Variants in ARHGEF28 observed in about 807,000 individuals in gnomAD.
ARHGEF28 encodes Rho guanine nucleotide exchange factor 28.
ARHGEF28 carries 152 observed loss-of-function variants against 206.6 expected under a neutral mutation model. The ratio of observed to expected loss-of-function variants is 0.74; its 90% CI spans 0.64 to 0.84. The LOEUF is 0.84. Ranked by LOEUF, ARHGEF28 falls within the 40% of genes least tolerant of loss-of-function variation. The pLI is 0.00. For missense variants in ARHGEF28, 2,028 were observed against 2,073.2 expected, an observed-to-expected ratio of 0.98 and a Z score of 0.42; for synonymous variants, 763 against 776.4, an observed-to-expected ratio of 0.98 and a Z score of 0.29.
intron 14 of ARHGEF28, among the ~76,000 whole-genome samples, chr5:73,853,465 A>G (rs1400370609): frequency 6.6e-6 from 1 of 152,268 alleles, no homozygotes; most frequent in Non-Finnish European, 1.5e-5. Context: ...ACGTTTTAGT[A>G]TACGGATCAA....
At chr5:73,678,556 A>G (rs1161681895) in intron 1 of ARHGEF28, among the ~76,000 whole-genome samples, 1 of 152,178 alleles carries the variant, frequency 6.6e-6, no homozygotes, top group East Asian at 1.9e-4. Flanking sequence ...AAGCGTTGGC[A>G]TCTGGGTCCT....
At chr5:73,908,790 A>G (rs1218794686) in intron 33 of ARHGEF28, 1 of 151,074 alleles carries the variant, frequency 6.6e-6, no homozygotes, top group Non-Finnish European at 1.5e-5. Flanking sequence ...ATACAAAGAT[A>G]TAACAGTAAT....
At chr5:73,922,781 T>A (rs1487028673) in intron 35 of ARHGEF28, among the ~76,000 whole-genome samples, 1 of 152,230 alleles carries the variant, frequency 6.6e-6, no homozygotes, top group Non-Finnish European at 1.5e-5. Flanking sequence ...AAAGCTGTTT[T>A]ACTTCCAATG....
intron 9 of ARHGEF28, among the ~76,000 whole-genome samples, chr5:73,802,870 CTGTGTGTGTGTGTGTGTGTGTGTGTGTG>C (rs561505395): frequency 8.2e-6 from 1 of 122,172 alleles, no homozygotes; most frequent in South Asian, 3.0e-4. Flanking sequence ...AGCTCGATTG[CTGTGTGTGTGTGTGTGTGTGTGTGTGTG>C]TGTGTGTGTG....
At chr5:73,800,804 G>A (rs528831943) in intron 9 of ARHGEF28, among the ~76,000 whole-genome samples, 29 of 152,196 alleles carry the variant, frequency 1.9e-4, no homozygotes, top group Non-Finnish European at 2.8e-4. Flanking sequence ...TCCCCACCCC[G>A]AAAGTCCCCT....
chr5:73,921,144 A>G (rs1763501191), intron 35 of ARHGEF28, among the ~76,000 whole-genome samples: 1 of 152,328 alleles, frequency 6.6e-6, no homozygotes, highest in South Asian at 2.1e-4. Context: ...ATGTGAACCA[A>G]TTTCCCTGGC....
At chr5:73,764,463 G>A (rs1752787788) in intron 4 of ARHGEF28, among the ~76,000 whole-genome samples, 1 of 152,166 alleles carries the variant, frequency 6.6e-6, no homozygotes, top group African/African-American at 2.4e-5. Flanking sequence ...GCCAATATGA[G>A]ATGCAAAATC....
chr5:73,785,115 T>A (rs1306487320), intron 7 of ARHGEF28, among the ~76,000 whole-genome samples: 1 of 152,192 alleles, frequency 6.6e-6, no homozygotes, highest in Non-Finnish European at 1.5e-5. Flanking sequence ...CTATTTAGTA[T>A]TTTTGGACCG....
intron 2 of ARHGEF28, among the ~76,000 whole-genome samples, chr5:73,714,498 A>T (rs564965538): frequency 1.3e-5 from 2 of 152,196 alleles, no homozygotes; most frequent in Admixed American, 1.3e-4. Context: ...AATGCCCAGG[A>T]AAGTCCAAGG....
intron 2 of ARHGEF28, among the ~76,000 whole-genome samples, chr5:73,713,657 A>T (rs922028929): frequency 2.0e-5 from 3 of 152,030 alleles, no homozygotes; most frequent in Non-Finnish European, 4.4e-5. Flanking sequence ...TGGTGGGGGG[A>T]GGGTAAGCGA....
At chr5:73,633,570 A>ATTTTTTT (rs764440038) in intron 1 of ARHGEF28, among the ~76,000 whole-genome samples, 8 of 101,060 alleles carry the variant, frequency 7.9e-5, no homozygotes, top group African/African-American at 1.7e-4. Context: ...AATACCTTTA[A>ATTTTTTT]TTTTTTTTTT....
chr5:73,872,919 G>T, intron 21 of ARHGEF28, 80 bp from the exon 22 acceptor site: 1 of 1,494,208 alleles, frequency 6.7e-7, no homozygotes, highest in Non-Finnish European at 9.1e-7. Context: ...AACATATAGT[G>T]TTGAGTTACT....
chr5:73,838,258 C>CT (rs35780275), intron 10 of ARHGEF28, among the ~76,000 whole-genome samples: 33 of 151,638 alleles, frequency 2.2e-4, no homozygotes, highest in Admixed American at 7.9e-4. Context: ...TAGCATAGTA[C>CT]TTTTTTTTTT....
chr5:73,691,520 G>C (rs1747828236), intron 2 of ARHGEF28, among the ~76,000 whole-genome samples: 1 of 152,028 alleles, frequency 6.6e-6, no homozygotes, highest in South Asian at 2.1e-4. Context: ...CCTCATGCTG[G>C]ACCTACTGAA....
At chr5:73,807,925 T>C (rs1755609791) in intron 9 of ARHGEF28, among the ~76,000 whole-genome samples, 1 of 152,090 alleles carries the variant, frequency 6.6e-6, no homozygotes, top group Non-Finnish European at 1.5e-5. Flanking sequence ...TCTTGTTTTC[T>C]TATTATATGT....
chr5:73,918,109 T>C (rs1763313200), intron 35 of ARHGEF28, among the ~76,000 whole-genome samples: 1 of 152,228 alleles, frequency 6.6e-6, no homozygotes, highest in Non-Finnish European at 1.5e-5. Context: ...AAATGTGGAA[T>C]GTTCGGCTGA....
At chr5:73,717,513 T>C (rs1749656628) in intron 2 of ARHGEF28, among the ~76,000 whole-genome samples, 1 of 152,202 alleles carries the variant, frequency 6.6e-6, no homozygotes, top group African/African-American at 2.4e-5. Context: ...AAAACTGTAA[T>C]GATTACAATA....
In ARHGEF28 at chr5:73,694,173, G is replaced by T. The variant is rs1748032277; in HGVS notation, c.33+9289G>T. Among the ~76,000 whole-genome samples, 3 of 152,126 alleles carry T rather than the reference G, an allele frequency of 2.0e-5. No homozygotes were observed. In the South Asian group the frequency reaches 6.2e-4, roughly 32 times the overall value. ...CAGTTCCCTCTTCTCTCAATACAAT[G>T]CCACTTTATGGTGCCCCCTCCTACT... is the stretch of plus-strand genomic sequence containing the variant. On this transcript the variant is annotated intron_variant, in intron 2 of 35. Transcript: ENST00000513042.
chr5:73,932,282 G>A (rs1478606773), intron 35 of ARHGEF28, among the ~76,000 whole-genome samples: 1 of 152,142 alleles, frequency 6.6e-6, no homozygotes, highest in Non-Finnish European at 1.5e-5. Flanking sequence ...TTTTCATGGC[G>A]TAAAGAGCTT....
Sources: gnomAD v4.1 joint callset for allele counts (sites outside exome capture counted in the v4.1 genomes callset) on GRCh38, gnomAD v4.1.1 for gene constraint, MANE v1.5 for transcripts, NCBI Gene and HGNC (gene_info 2026-07-23, HGNC 2026-07-21) for gene names.